ZDHHC11: variants seen among roughly 807,000 people sequenced by gnomAD.
ZDHHC11 encodes zDHHC palmitoyltransferase 11.
Under a neutral mutation model 51.3 loss-of-function variants are expected in ZDHHC11, and 44 were observed. That is an observed-to-expected ratio of 0.86 (90% CI 0.67 to 1.10). ZDHHC11 has a LOEUF of 1.10. Ranked by LOEUF, ZDHHC11 falls within the 50% of genes least tolerant of loss-of-function variation. The pLI, the probability that ZDHHC11 is intolerant of heterozygous loss-of-function variation, is 0.00. For missense variants in ZDHHC11, 400 were observed against 537.7 expected, an observed-to-expected ratio of 0.74 and a Z score of 2.53; for synonymous variants, 163 against 222.0, an observed-to-expected ratio of 0.73 and a Z score of 2.36.
At chr5:820,160 T>A (rs1286084095) in intron 9 of ZDHHC11, among the ~76,000 whole-genome samples, 3 of 151,498 alleles carry the variant, frequency 2.0e-5, no homozygotes, top group African/African-American at 7.3e-5. Flanking sequence ...TACATTTCTA[T>A]TAATCTTGCC....
intron 3 of ZDHHC11, 75 bp downstream of exon 3, chr5:847,439 C>G: frequency 6.4e-7 from 1 of 1,551,028 alleles, no homozygotes; most frequent in Non-Finnish European, 8.8e-7. Context: ...ACACGATGAC[C>G]CCTGCCCACA....
chr5:855,853 C>T (rs1247982281), upstream of ZDHHC11, among the ~76,000 whole-genome samples: 1 of 126,616 alleles, frequency 7.9e-6, no homozygotes, highest in East Asian at 2.4e-4. Flanking sequence ...CCACAGAGGA[C>T]AGACAGCGAG....
intron 11 of ZDHHC11, among the ~76,000 whole-genome samples, chr5:807,077 C>T (rs1739366374): frequency 1.3e-5 from 2 of 150,890 alleles, no homozygotes; most frequent in South Asian, 4.2e-4. Context: ...CATCTCCATG[C>T]CCAACCATAG....
intron 11 of ZDHHC11, among the ~76,000 whole-genome samples, 198 bp from the exon 12 acceptor site, chr5:801,362 G>A (rs1192982837): frequency 6.6e-6 from 1 of 151,782 alleles, no homozygotes; most frequent in African/African-American, 2.4e-5. Context: ...CTGAAAGAAT[G>A]TTGCTTTTTT....
At chr5:821,186 G>A (rs1421091418) in intron 9 of ZDHHC11, 2 of 151,396 alleles carry the variant, frequency 1.3e-5, no homozygotes, top group Non-Finnish European at 3.0e-5. Flanking sequence ...CCCGGGGCAG[G>A]AGAAGAAGGA....
chr5:815,995 G>C (rs1009523437), intron 10 of ZDHHC11, among the ~76,000 whole-genome samples: 4 of 151,458 alleles, frequency 2.6e-5, no homozygotes, highest in African/African-American at 7.3e-5. Flanking sequence ...TCCCAGGTGG[G>C]AAATGATGTT....
chr5:836,333 C>T (rs1743846761), intron 6 of ZDHHC11, among the ~76,000 whole-genome samples: 1 of 150,370 alleles, frequency 6.7e-6, no homozygotes. Flanking sequence ...ATTCCTAGGC[C>T]TTAAGCCACT....
At chr5:819,496 CG>C (rs1448615274) in intron 10 of ZDHHC11, 28 bp downstream of exon 10, 1 of 1,601,508 alleles carries the variant, frequency 6.2e-7, no homozygotes, top group African/African-American at 1.3e-5. Context: ...GCCCTGTCCT[CG>C]GGGACAGCGC....
chr5:833,348 A>G (rs1318248316), intron 7 of ZDHHC11, among the ~76,000 whole-genome samples: 1 of 149,054 alleles, frequency 6.7e-6, no homozygotes, highest in Non-Finnish European at 1.5e-5. Flanking sequence ...GGGTCAAGGC[A>G]CCCCCAGTGC....
At chr5:833,431 T>C (rs1248643205) in intron 7 of ZDHHC11, among the ~76,000 whole-genome samples, 1 of 151,796 alleles carries the variant, frequency 6.6e-6, no homozygotes, top group Non-Finnish European at 1.5e-5. Flanking sequence ...GAAACACTAT[T>C]AGAGATCATA....
chr5:819,653 T>G (rs1741310903), intron 9 of ZDHHC11, 41 bp from the exon 10 acceptor site: 1 of 1,590,666 alleles, frequency 6.3e-7, no homozygotes, highest in Non-Finnish European at 8.6e-7. Context: ...ACCACAGTTT[T>G]GTAGGGCGCT....
At chr5:851,055 G>A (rs1747153008), upstream of ZDHHC11, 1 of 197,478 alleles carries the variant, frequency 5.1e-6, no homozygotes, top group Admixed American at 5.3e-5. Context: ...AGGCCACACT[G>A]AGCAGAGGGC....
At chr5:848,771 C>G (rs1295779570) in intron 1 of ZDHHC11, 111 bp from the exon 2 acceptor site, 2 of 1,475,312 alleles carry the variant, frequency 1.4e-6, no homozygotes, top group Non-Finnish European at 1.8e-6. Flanking sequence ...CCCTGCTCAC[C>G]CAGCCCTGCA....
At position 850,802 on chromosome 5, in the gene ZDHHC11, G is replaced by C. The variant is rs1747097599; in HGVS notation, c.-200C>G. 2 of 660,218 alleles carry C rather than the reference G, an allele frequency of 3.0e-6. No homozygotes were observed. The highest frequency in any genetic ancestry group is 5.1e-6 in the Non-Finnish European group (2 of 392,810). 40.9% of individuals were successfully genotyped at this position (660,218 alleles called of 1,614,324 possible). On this transcript the variant is annotated 5_prime_UTR_variant, in exon 1 of 13. Transcript: ENST00000283441. ...GGAGTCGGTGCAGGGCCCCGCCCAG[G>C]GGAATGAACAGACATGCTGCAGAAT...
chr5:828,231 C>A (rs982581731), intron 7 of ZDHHC11, among the ~76,000 whole-genome samples: 1 of 151,458 alleles, frequency 6.6e-6, no homozygotes, highest in African/African-American at 2.4e-5. Flanking sequence ...CATCATGGCC[C>A]GTTCTCAGTG....
At chr5:856,533 ACACAC>A (rs1162333284) in intron 1 of ZDHHC11, among the ~76,000 whole-genome samples, 9 of 150,352 alleles carry the variant, frequency 6.0e-5, no homozygotes, top group African/African-American at 1.7e-4. Flanking sequence ...AAAACAGATC[ACACAC>A]CACACAACTC....
intron 9 of ZDHHC11, among the ~76,000 whole-genome samples, chr5:820,584 A>AG (rs572497057): frequency 3.6e-4 from 55 of 150,872 alleles, no homozygotes; most frequent in African/African-American, 1.2e-3. Context: ...CACCTGGGGA[A>AG]GGGGGGCTGC....
intron 1 of ZDHHC11, among the ~76,000 whole-genome samples, chr5:857,253 G>T (rs988866212): frequency 6.6e-6 from 1 of 152,172 alleles, no homozygotes; most frequent in Non-Finnish European, 1.5e-5. Flanking sequence ...GGCCTGCAGC[G>T]CAATCCTGTG....
At chr5:829,489 G>A (rs534142064) in intron 7 of ZDHHC11, among the ~76,000 whole-genome samples, 10 of 151,922 alleles carry the variant, frequency 6.6e-5, no homozygotes, top group Admixed American at 2.0e-4. Flanking sequence ...AACAAGTAGC[G>A]AGATTGAAAC....
Sources: allele counts gnomAD v4.1 joint callset (sites outside exome capture counted in the v4.1 genomes callset), GRCh38; gene constraint gnomAD v4.1.1; transcripts MANE v1.5; gene names NCBI Gene and HGNC (gene_info 2026-07-23, HGNC 2026-07-21).